UEVLD: variants seen among roughly 807,000 people sequenced by gnomAD.
UEVLD encodes ubiquitin-conjugating enzyme E2 variant 3.
In UEVLD, 47 loss-of-function variants were observed where a neutral mutation model predicts 58.6. The ratio of observed to expected loss-of-function variants is 0.80; its 90% CI spans 0.63 to 1.02. The LOEUF (loss-of-function observed/expected upper bound fraction) is 1.02. Among genes scored for constraint, UEVLD ranks in the 50% least tolerant of loss-of-function variants. The pLI, the probability that UEVLD is intolerant of heterozygous loss-of-function variation, is 0.00. For synonymous variants in UEVLD, 197 were observed against 195.3 expected (o/e 1.01, Z -0.07); for missense variants, 510 against 550.6 (o/e 0.93, Z 0.74).
intron 7 of UEVLD, among the ~76,000 whole-genome samples, chr11:18,547,560 T>C (rs1851354890): frequency 6.6e-6 from 1 of 152,104 alleles, no homozygotes; most frequent in Non-Finnish European, 1.5e-5. Context: ...GGGGGGAAGA[T>C]AGCAATAGTA....
At chr11:18,579,153 C>T (rs140876189) in intron 1 of UEVLD, among the ~76,000 whole-genome samples, 2 of 152,300 alleles carry the variant, frequency 1.3e-5, no homozygotes, top group African/African-American at 4.8e-5. Context: ...AGGCGTGAGC[C>T]ACCACGCCCG....
At chr11:18,574,152 C>T (rs903727439) in intron 3 of UEVLD, among the ~76,000 whole-genome samples, 2 of 152,090 alleles carry the variant, frequency 1.3e-5, no homozygotes, top group African/African-American at 2.4e-5. Flanking sequence ...GAACAGTGAA[C>T]TTTTATTGAG....
intron 9 of UEVLD, among the ~76,000 whole-genome samples, chr11:18,537,019 C>T (rs1430709024): frequency 6.6e-6 from 1 of 151,490 alleles, no homozygotes; most frequent in African/African-American, 2.4e-5. Context: ...CCTCAGCCTC[C>T]CGAGTAGCTG....
chr11:18,560,089 C>G (rs12790354), intron 6 of UEVLD, among the ~76,000 whole-genome samples: 1,274 of 34,198 alleles, frequency 0.037, 23 homozygotes, highest in Non-Finnish European at 0.084. Flanking sequence ...AACCCCGTCT[C>G]TACACACACA....
chr11:18,565,153 A>C (rs553595224), intron 5 of UEVLD, 143 bp from the exon 6 acceptor site: 1 of 555,076 alleles, frequency 1.8e-6, no homozygotes, highest in African/African-American at 1.9e-5. Context: ...ACTACTGAAC[A>C]AATGAATGCA....
chr11:18,537,103 G>A (rs1850833985), intron 9 of UEVLD, among the ~76,000 whole-genome samples: 1 of 151,316 alleles, frequency 6.6e-6, no homozygotes, highest in Non-Finnish European at 1.5e-5. Context: ...GGTTCACCAT[G>A]TTGGCCAGGC....
intron 9 of UEVLD, among the ~76,000 whole-genome samples, chr11:18,542,358 G>A (rs11822477): frequency 0.053 from 8,113 of 152,086 alleles, 242 homozygotes; most frequent in Non-Finnish European, 0.065. Flanking sequence ...AGTAATGAAT[G>A]AATGGAGACA....
At chr11:18,586,946 C>T (rs1257083640) in intron 1 of UEVLD, among the ~76,000 whole-genome samples, 12 of 152,134 alleles carry the variant, frequency 7.9e-5, no homozygotes, top group African/African-American at 2.7e-4. Context: ...GCAGGAGAAT[C>T]GCTTGAACCC....
At chr11:18,576,021 C>T (rs1389972089) in intron 2 of UEVLD, among the ~76,000 whole-genome samples, 2 of 152,126 alleles carry the variant, frequency 1.3e-5, no homozygotes, top group Non-Finnish European at 2.9e-5. Flanking sequence ...ATTGCCTTTG[C>T]AAAATTATGA....
At chr11:18,553,338 A>AG (rs1285990082) in intron 7 of UEVLD, among the ~76,000 whole-genome samples, 3 of 151,716 alleles carry the variant, frequency 2.0e-5, no homozygotes, top group Non-Finnish European at 4.4e-5. Context: ...AAAAAAAAAA[A>AG]GAAAAGAAAA....
At chr11:18,584,765 TG>T (rs34853816) in intron 1 of UEVLD, among the ~76,000 whole-genome samples, 2,447 of 152,282 alleles carry the variant, frequency 0.016, 38 homozygotes, top group Non-Finnish European at 0.028. Context: ...CCTGAGTAGC[TG>T]GGACTACAGG....
At chr11:18,548,991 C>T (rs1467169350) in intron 7 of UEVLD, among the ~76,000 whole-genome samples, 1 of 152,138 alleles carries the variant, frequency 6.6e-6, no homozygotes, top group African/African-American at 2.4e-5. Context: ...TTAACAATTC[C>T]ATATGTGTCA....
At chr11:18,569,026 C>A (rs986402572) in intron 4 of UEVLD, among the ~76,000 whole-genome samples, 1 of 152,030 alleles carries the variant, frequency 6.6e-6, no homozygotes, top group Admixed American at 6.6e-5. Flanking sequence ...TCCCAAGTAG[C>A]CGGGACTACA....
At chr11:18,570,182 AG>A in intron 4 of UEVLD, 31 bp downstream of exon 4, 2 of 1,563,054 alleles carry the variant, frequency 1.3e-6, no homozygotes, top group Middle Eastern at 1.7e-4. Flanking sequence ...AAAAAAAAAA[AG>A]CTTTCTGTAG....
chr11:18,532,297 G>A lies in UEVLD; in HGVS notation c.*23C>T, dbSNP rs373743427. On this transcript the variant is annotated 3_prime_UTR_variant, in exon 12 of 12. Coordinates refer to ENST00000396197, the MANE Select transcript of UEVLD (RefSeq NM_001040697.4). ...ACTTTTCCCTTTAGGTAGAAGTCCA[G>A]CCTCTCAAATTGCATTTGAGAATCA... 3 of 1,582,938 alleles carry A rather than the reference G, an allele frequency of 1.9e-6. No individual in the cohort carries two copies. Among genetic ancestry groups the A allele is most frequent in the African/African-American group, 2.7e-5 (2 of 73,230 alleles).
At chr11:18,571,415 C>T (rs1170606431) in intron 3 of UEVLD, among the ~76,000 whole-genome samples, 3 of 152,110 alleles carry the variant, frequency 2.0e-5, no homozygotes, top group African/African-American at 7.2e-5. Flanking sequence ...TCTGCCTCCA[C>T]CAATGCCCCT....
chr11:18,545,757 TA>T (rs1851281291), intron 8 of UEVLD, among the ~76,000 whole-genome samples: 3 of 152,322 alleles, frequency 2.0e-5, no homozygotes, highest in Admixed American at 2.0e-4. Context: ...ATTTTATTGT[TA>T]AATATAAATT....
At chr11:18,556,744 T>C (rs1390675445) in intron 7 of UEVLD, among the ~76,000 whole-genome samples, 1 of 152,146 alleles carries the variant, frequency 6.6e-6, no homozygotes, top group Non-Finnish European at 1.5e-5. Context: ...TACATAAATA[T>C]GTCTATACTA....
intron 11 of UEVLD, 112 bp from the exon 12 acceptor site, chr11:18,532,599 T>C (rs1850614550): frequency 5.6e-6 from 5 of 897,210 alleles, no homozygotes; most frequent in Admixed American, 7.6e-5. Flanking sequence ...CAAGTTGGAC[T>C]TAAAAAAATT....
Sources: gnomAD v4.1 joint callset for allele counts (sites outside exome capture counted in the v4.1 genomes callset) on GRCh38, gnomAD v4.1.1 for gene constraint, MANE v1.5 for transcripts, NCBI Gene and HGNC (gene_info 2026-07-23, HGNC 2026-07-21) for gene names.